SOX6: variants seen among roughly 807,000 people sequenced by gnomAD.
The protein encoded by SOX6 is SRY-box transcription factor 6, also known as transcription factor SOX-6.
Under a neutral mutation model 97.8 loss-of-function variants are expected in SOX6, and 11 were observed. The observed-to-expected ratio is 0.11, with a 90% CI of 0.07 to 0.19. The LOEUF (loss-of-function observed/expected upper bound fraction) is 0.19. Among genes scored for constraint, SOX6 ranks in the 10% least tolerant of loss-of-function variants. SOX6 has a pLI of 1.00. For synonymous variants in SOX6, 360 were observed against 371.4 expected (o/e 0.97, Z 0.35); for missense variants, 810 against 1,039.5 (o/e 0.78, Z 3.04).
intron 1 of SOX6, among the ~76,000 whole-genome samples, chr11:16,421,142 G>A (rs897478264): frequency 6.6e-6 from 1 of 152,072 alleles, no homozygotes; most frequent in African/African-American, 2.4e-5. Context: ...TTATTCTCGA[G>A]CAAATATGAA....
intron 4 of SOX6, among the ~76,000 whole-genome samples, chr11:16,551,121 G>A (rs1002664613): frequency 4.6e-5 from 7 of 152,138 alleles, no homozygotes; most frequent in Admixed American, 2.0e-4. Context: ...TGAAGCAGAA[G>A]GATAGCTTGA....
chr11:16,158,865 GGTGTGTGTGTGTGT>G (rs10549567), intron 6 of SOX6, among the ~76,000 whole-genome samples: 51 of 146,004 alleles, frequency 3.5e-4, no homozygotes, highest in African/African-American at 1.2e-3. Context: ...TGAAGTTACA[GGTGTGTGTGTGTGT>G]GTGTGTGTGT....
intron 4 of SOX6, among the ~76,000 whole-genome samples, chr11:16,567,746 T>G (rs138041547): frequency 1.3e-5 from 2 of 149,020 alleles, no homozygotes; most frequent in Admixed American, 6.7e-5. Context: ...TTTTTTTTTT[T>G]TTGTATTTTT....
intron 13 of SOX6, among the ~76,000 whole-genome samples, chr11:16,002,146 TAAAC>T (rs1451046639): frequency 6.6e-6 from 1 of 152,166 alleles, no homozygotes; most frequent in African/African-American, 2.4e-5. Flanking sequence ...GGAGGCAGCT[TAAAC>T]AAACACACGA....
intron 1 of SOX6, among the ~76,000 whole-genome samples, chr11:16,398,779 A>G (rs760332934): frequency 1.1e-4 from 17 of 149,904 alleles, no homozygotes; most frequent in Non-Finnish European, 2.2e-4. Flanking sequence ...ACAAAAGGCC[A>G]TGTTCATAAC....
chr11:16,229,083 C>G (rs1852771358), intron 4 of SOX6, among the ~76,000 whole-genome samples: 1 of 152,116 alleles, frequency 6.6e-6, no homozygotes, highest in South Asian at 2.1e-4. Context: ...AGCACCTACC[C>G]ATCACATAGA....
In SOX6 at chr11:16,686,964, C is replaced by CA. The variant is rs1334121492; in HGVS notation, n.429+27865dup. 8.8e-3 allele frequency among the ~76,000 whole-genome samples: 1,260 copies of CA among 142,890 alleles called. 21 individuals are homozygous for CA. Among genetic ancestry groups the CA allele is most frequent in the African/African-American group, 0.028 (1,107 of 39,138 alleles). The allele number at this position is 142,890 out of a possible 152,430, so 93.7% of individuals were successfully genotyped here. ...GGTGACAGAGTGAAACGATGTCTCA[C>CA]AAAAAAAAAAATTAGCCAGGCGTGG... On this transcript the variant is annotated intron_variant and non_coding_transcript_variant, in intron 3 of 5. Transcript: ENST00000524520.
chr11:16,194,964 T>A (rs1851732155), intron 4 of SOX6, among the ~76,000 whole-genome samples: 1 of 152,214 alleles, frequency 6.6e-6, no homozygotes, highest in South Asian at 2.1e-4. Context: ...TACATCTCCA[T>A]AACCTACACA....
At chr11:16,568,100 C>T (rs1847895553) in intron 4 of SOX6, among the ~76,000 whole-genome samples, 1 of 151,822 alleles carries the variant, frequency 6.6e-6, no homozygotes, top group South Asian at 2.1e-4. Flanking sequence ...AAAAAATTAC[C>T]TTCAGGCTAT....
At chr11:16,272,739 C>T (rs181567062) in intron 3 of SOX6, among the ~76,000 whole-genome samples, 92 of 151,744 alleles carry the variant, frequency 6.1e-4, no homozygotes, top group Non-Finnish European at 1.1e-3. Flanking sequence ...AAATTAAGTT[C>T]CCATATACAT....
intron 2 of SOX6, among the ~76,000 whole-genome samples, chr11:16,323,818 C>A (rs2134311697): frequency 6.6e-6 from 1 of 152,184 alleles, no homozygotes; most frequent in Non-Finnish European, 1.5e-5. Context: ...CTTCCATAGG[C>A]TTCCAGAGCA....
At chr11:16,563,704 G>C (rs1035129235) in intron 4 of SOX6, among the ~76,000 whole-genome samples, 3 of 152,030 alleles carry the variant, frequency 2.0e-5, no homozygotes, top group Non-Finnish European at 4.4e-5. Context: ...GTACTCAAAG[G>C]AATAATAATT....
At chr11:16,628,394 T>C (rs1229998211) in intron 3 of SOX6, among the ~76,000 whole-genome samples, 1 of 151,854 alleles carries the variant, frequency 6.6e-6, no homozygotes, top group Non-Finnish European at 1.5e-5. Context: ...GAGGCCGAGG[T>C]GGGTGGATCA....
At chr11:16,282,909 C>T (rs1854607154) in intron 3 of SOX6, among the ~76,000 whole-genome samples, 1 of 149,454 alleles carries the variant, frequency 6.7e-6, no homozygotes, top group East Asian at 1.9e-4. Flanking sequence ...CATATATTTG[C>T]CCAATATTTT....
intron 1 of SOX6, among the ~76,000 whole-genome samples, chr11:16,433,937 C>A (rs1193738224): frequency 1.3e-5 from 2 of 151,996 alleles, no homozygotes; most frequent in African/African-American, 4.8e-5. Context: ...GTTCAAACTC[C>A]TTAATAAGAC....
At chr11:16,554,841 A>T (rs1302611423) in intron 4 of SOX6, among the ~76,000 whole-genome samples, 1 of 152,014 alleles carries the variant, frequency 6.6e-6, no homozygotes. Context: ...AAAGAAAAAA[A>T]ACCTTTGTAC....
chr11:16,181,104 C>T (rs977876604), intron 6 of SOX6, among the ~76,000 whole-genome samples: 2 of 151,546 alleles, frequency 1.3e-5, no homozygotes, highest in African/African-American at 4.8e-5. Flanking sequence ...AAAAACAGTA[C>T]TATTTCAGAA....
chr11:16,737,083 AT>A (rs1225501812), intron 1 of SOX6, among the ~76,000 whole-genome samples: 1 of 152,244 alleles, frequency 6.6e-6, no homozygotes, highest in Non-Finnish European at 1.5e-5. Flanking sequence ...GGTAAGTAAT[AT>A]TTGTACACAG....
At chr11:16,023,235 T>C (rs531364626) in intron 12 of SOX6, 3 of 152,160 alleles carry the variant, frequency 2.0e-5, no homozygotes, top group Admixed American at 2.0e-4. Flanking sequence ...TAGAAAAATA[T>C]ATATTACAAT....
Sources: gnomAD v4.1 joint callset for allele counts (sites outside exome capture counted in the v4.1 genomes callset) on GRCh38, gnomAD v4.1.1 for gene constraint, MANE v1.5 for transcripts, NCBI Gene and HGNC (gene_info 2026-07-23, HGNC 2026-07-21) for gene names.